CPED1: variants seen among roughly 807,000 people sequenced by gnomAD.
CPED1 encodes the protein cadherin-like and PC-esterase domain-containing protein 1.
A neutral mutation model predicts 128.2 loss-of-function variants in CPED1; 114 were observed. The ratio of observed to expected loss-of-function variants is 0.89; its 90% confidence interval spans 0.76 to 1.04. The LOEUF (loss-of-function observed/expected upper bound fraction) is 1.04. Ranked by LOEUF, CPED1 falls within the 50% of genes least tolerant of loss-of-function variation. The pLI is 0.00. For missense variants in CPED1, 1,211 were observed against 1,207.1 expected (o/e 1.00, Z -0.05); for synonymous variants, 462 against 426.7 (o/e 1.08, Z -1.02).
chr7:121,236,860 T>TA (rs1168543824), intron 17 of CPED1, 29 bp downstream of exon 17: 3 of 1,226,428 alleles, frequency 2.4e-6, no homozygotes, highest in East Asian at 2.3e-5. Context: ...ATCACTTCTC[T>TA]AAAAAAAGAA....
intron 21 of CPED1, among the ~76,000 whole-genome samples, chr7:121,269,165 C>G (rs1386977018): frequency 1.3e-5 from 2 of 152,016 alleles, no homozygotes; most frequent in Non-Finnish European, 2.9e-5. Flanking sequence ...CTCTCCCTTC[C>G]TCCCGCTTCT....
chr7:121,074,105 G>C (rs1256072356), intron 5 of CPED1, among the ~76,000 whole-genome samples: 1 of 151,956 alleles, frequency 6.6e-6, no homozygotes, highest in Admixed American at 6.6e-5. Flanking sequence ...ATTACCCCCT[G>C]ATTTAGAGGC....
intron 5 of CPED1, among the ~76,000 whole-genome samples, chr7:121,087,624 A>G (rs1219993590): frequency 1.3e-5 from 2 of 151,350 alleles, no homozygotes; most frequent in African/African-American, 4.9e-5. Flanking sequence ...AAATATGACA[A>G]AGAGTTCAAG....
intron 16 of CPED1, among the ~76,000 whole-genome samples, chr7:121,150,515 A>G (rs1358261104): frequency 6.6e-6 from 1 of 152,104 alleles, no homozygotes. Context: ...TGATGAACAT[A>G]CAAGTGCATG....
rs117086320 is a variant in CPED1 at position 121,197,622 on chromosome 7, A to G, written c.2056-39092A>G. Among the ~76,000 whole-genome samples, 975 of 152,134 alleles carry G rather than the reference A, an allele frequency of 6.4e-3. 4 individuals are homozygous for G. The highest frequency in any genetic ancestry group is 9.8e-3 in the Non-Finnish European group (668 of 67,960). On this transcript the variant is annotated intron_variant, in intron 16 of 22. Transcript: ENST00000310396. ...ATAATTGCTACAGTCGAGTGTGTGT[A>G]TATGGGTGTGTTGTGTGTGTGTGTT...
At chr7:121,156,465 G>T (rs970310224) in intron 16 of CPED1, among the ~76,000 whole-genome samples, 3 of 151,974 alleles carry the variant, frequency 2.0e-5, no homozygotes, top group African/African-American at 4.8e-5. Flanking sequence ...AGTGGATAAA[G>T]AAAACATGGT....
At chr7:121,270,916 A>G (rs1005788155) in intron 21 of CPED1, among the ~76,000 whole-genome samples, 3 of 152,096 alleles carry the variant, frequency 2.0e-5, no homozygotes, top group African/African-American at 7.2e-5. Context: ...AAAAAATAAC[A>G]TTTGTAATTT....
chr7:120,991,013 A>G (rs1263201697), intron 2 of CPED1, among the ~76,000 whole-genome samples: 1 of 152,226 alleles, frequency 6.6e-6, no homozygotes, highest in African/African-American at 2.4e-5. Flanking sequence ...GCATTATGAC[A>G]AGATGCATCC....
rs10682627 is a variant in CPED1 at position 121,027,742 on chromosome 7, GTAATAATAATAATAA to G, written c.433+11917_433+11931del. Among the ~76,000 whole-genome samples the G allele has an allele frequency of 1.6e-3, 224 of 143,486 alleles. 1 individual carries two copies. Among genetic ancestry groups the G allele is most frequent in the African/African-American group, 5.5e-3 (217 of 39,556 alleles). The allele number at this position is 143,486 out of a possible 152,430, so 94.1% of individuals were successfully genotyped here. On this transcript the variant is annotated intron_variant, in intron 3 of 22. Transcript: ENST00000310396. The stretch of plus-strand genomic sequence containing the variant: ...ACCAACAAGTTAATTATAACCTTTA[GTAATAATAATAATAA>G]TAATAATAATAATAATAATAATGAG...
chr7:121,236,411 T>A (rs1401070174), intron 16 of CPED1, among the ~76,000 whole-genome samples: 1 of 152,144 alleles, frequency 6.6e-6, no homozygotes, highest in Non-Finnish European at 1.5e-5. Flanking sequence ...CTTGCTGTAT[T>A]GTCCTCTATT....
At chr7:121,113,116 G>T (rs1311973522) in intron 7 of CPED1, among the ~76,000 whole-genome samples, 1 of 152,088 alleles carries the variant, frequency 6.6e-6, no homozygotes, top group African/African-American at 2.4e-5. Context: ...ATATCTTCTT[G>T]CATATATAAG....
At chr7:121,180,796 C>T (rs961688061) in intron 16 of CPED1, among the ~76,000 whole-genome samples, 2 of 152,102 alleles carry the variant, frequency 1.3e-5, no homozygotes, top group East Asian at 1.9e-4. Context: ...ATACTTCCAG[C>T]GTAGCCTGAG....
intron 17 of CPED1, among the ~76,000 whole-genome samples, chr7:121,240,734 A>T (rs964263245): frequency 7.7e-6 from 1 of 129,620 alleles, no homozygotes; most frequent in Non-Finnish European, 1.6e-5. Context: ...TCTGTTATTT[A>T]ACTCTTTGGG....
chr7:121,159,631 G>A (rs1008299475), intron 16 of CPED1, among the ~76,000 whole-genome samples: 13 of 152,096 alleles, frequency 8.5e-5, no homozygotes, highest in Non-Finnish European at 1.8e-4. Context: ...AAATGGCGTG[G>A]ATTCCCCAAC....
intron 3 of CPED1, among the ~76,000 whole-genome samples, chr7:121,033,183 C>G (rs1175980740): frequency 6.6e-6 from 1 of 152,120 alleles, no homozygotes; most frequent in African/African-American, 2.4e-5. Flanking sequence ...AGATTGAAAC[C>G]ACTGCTGAGT....
intron 4 of CPED1, among the ~76,000 whole-genome samples, chr7:121,062,427 A>T (rs1411499061): frequency 6.6e-6 from 1 of 152,210 alleles, no homozygotes; most frequent in East Asian, 1.9e-4. Context: ...AGTGTGTATT[A>T]GTCCTTTTTA....
At chr7:121,046,184 A>G (rs1793188608) in intron 3 of CPED1, among the ~76,000 whole-genome samples, 1 of 152,142 alleles carries the variant, frequency 6.6e-6, no homozygotes, top group Non-Finnish European at 1.5e-5. Flanking sequence ...GCAAGTTACT[A>G]TGATTTATTG....
At chr7:121,225,958 G>A (rs938714500) in intron 16 of CPED1, among the ~76,000 whole-genome samples, 1 of 151,930 alleles carries the variant, frequency 6.6e-6, no homozygotes, top group African/African-American at 2.4e-5. Context: ...TGTTATTACC[G>A]ACCTTCTGAC....
chr7:121,275,312 T>G (rs1056472882), intron 22 of CPED1, among the ~76,000 whole-genome samples: 5 of 152,024 alleles, frequency 3.3e-5, no homozygotes, highest in African/African-American at 9.7e-5. Context: ...TGTGCATCAA[T>G]TTTGACTAAC....
Sources: gnomAD v4.1 joint callset for allele counts (sites outside exome capture counted in the v4.1 genomes callset) on GRCh38, gnomAD v4.1.1 for gene constraint, MANE v1.5 for transcripts, NCBI Gene and HGNC (gene_info 2026-07-23, HGNC 2026-07-21) for gene names.